The following GALNT3 variants were observed in gnomAD, a reference collection of about 807,000 sequenced individuals.
GALNT3 encodes GalNAc transferase 3.
GALNT3 carries 51 observed loss-of-function variants against 69.8 expected under a neutral mutation model. The observed-to-expected ratio is 0.73, with a 90% CI of 0.58 to 0.92. GALNT3 has a LOEUF of 0.92. Ranked by LOEUF, GALNT3 falls within the 40% of genes least tolerant of loss-of-function variation. The pLI is 0.00. For synonymous variants in GALNT3, 265 were observed against 248.5 expected, an observed-to-expected ratio of 1.07 and a Z score of -0.63; for missense variants, 711 against 760.0, an observed-to-expected ratio of 0.94 and a Z score of 0.76.
At chr2:165,756,022 C>T (rs1311193259) in intron 7 of GALNT3, among the ~76,000 whole-genome samples, 1 of 152,142 alleles carries the variant, frequency 6.6e-6, no homozygotes, top group African/African-American at 2.4e-5. Context: ...TACTATTGTA[C>T]AGTACACAAT....
At chr2:165,759,655 T>G (rs1688509098) in intron 4 of GALNT3, 85 bp from the exon 5 acceptor site, 1 of 963,994 alleles carries the variant, frequency 1.0e-6, no homozygotes, top group African/African-American at 1.6e-5. Context: ...TACAGAGAAA[T>G]GAGAATAACA....
intron 4 of GALNT3, 39 bp from the exon 5 acceptor site, chr2:165,759,609 T>A (rs370191364): frequency 6.8e-7 from 1 of 1,481,400 alleles, no homozygotes; most frequent in African/African-American, 1.4e-5. Flanking sequence ...AATAAAAACA[T>A]TGAAGTTTTT....
intron 1 of GALNT3, among the ~76,000 whole-genome samples, chr2:165,773,174 C>T (rs1688782579): frequency 6.6e-6 from 1 of 152,128 alleles, no homozygotes. Flanking sequence ...TTGTAATAAT[C>T]CCCATGTGTC....
chr2:165,759,449 A>G lies in GALNT3; in HGVS notation c.960T>C (p.Ser320=), dbSNP rs1336223163. The change falls in exon 5 of 11, where the codon TCT becomes TCC. Residue 320 remains serine, a synonymous_variant. Transcript: ENST00000392701. ...CACGGTTATGGTTACTTCCATAAGG[A>G]GAAGGTTTGTTGAATTCAAACGTGT... ...DLNTFEFNKP[S]PYGSNHNRGN... is the part of the protein sequence containing the mutation. 2 of 1,613,892 alleles carry G rather than the reference A, an allele frequency of 1.2e-6. No homozygotes were observed. Among genetic ancestry groups the G allele is most frequent in the East Asian group, 2.2e-5 (1 of 44,872 alleles).
chr2:165,770,448 G>T lies in GALNT3; in HGVS notation c.253C>A (p.Pro85Thr), dbSNP rs1205169689. 1 of 1,614,050 alleles carries T rather than the reference G, an allele frequency of 6.2e-7. No homozygotes were observed. Among genetic ancestry groups the T allele is most frequent in the Admixed American group, 1.7e-5 (1 of 60,012 alleles). ...DAMPKMQIGAPVRQNIDAGER... is the reference protein window; with the variant it reads ...DAMPKMQIGATVRQNIDAGER... ...CCAGCATCAATGTTTTGCCTGACAGGTGCTCCTATTTGCATTTTTGGCATG... is the reference window on the plus strand; with the variant it reads ...CCAGCATCAATGTTTTGCCTGACAGTTGCTCCTATTTGCATTTTTGGCATG... The change falls in exon 2 of 11, where the codon CCT becomes ACT. Residue 85 changes from proline to threonine, a missense_variant. Transcript: ENST00000392701.
At position 165,770,605 on chromosome 2, in the gene GALNT3, T is replaced by A. The variant is rs561974181; in HGVS notation, c.96A>T (p.Ile32=). ...KLGAVIFFFI[I]VLVLMQREVS... Reference sequence around the variant, plus strand: ...CTTCTCTTTGCATTAAAACCAAAACTATTATAAAGAAAAAAATTACTGCAC... The same window carrying A: ...CTTCTCTTTGCATTAAAACCAAAACAATTATAAAGAAAAAAATTACTGCAC... The change falls in exon 2 of 11, where the codon ATA becomes ATT. Residue 32 remains isoleucine, a synonymous_variant. Transcript: ENST00000392701. The A allele has an allele frequency of 6.2e-7, 1 of 1,603,822 alleles. No homozygotes were observed. The highest frequency in any genetic ancestry group is 8.5e-7 in the Non-Finnish European group (1 of 1,175,976).
rs372708744 is a variant in GALNT3, at chr2:165,760,496, A to G, written c.839-926T>C. Among the ~76,000 whole-genome samples, 33 of 152,350 alleles carry G rather than the reference A, an allele frequency of 2.2e-4. No homozygotes were observed. In the East Asian group the frequency reaches 6.2e-3, roughly 29 times the overall value. On this transcript the variant is annotated intron_variant, in intron 4 of 10. Transcript: ENST00000392701. The stretch of plus-strand genomic sequence containing the variant: ...GCAGTCATGGTCCGGGAGGACCGTC[A>G]GACATATCCACCCAGTGGGTAGTGG...
intron 2 of GALNT3, among the ~76,000 whole-genome samples, chr2:165,768,853 G>A (rs1209059984): frequency 2.0e-5 from 3 of 148,786 alleles, no homozygotes; most frequent in African/African-American, 5.0e-5. Flanking sequence ...GGAGTGCAAC[G>A]GCACAGATCT....
intron 3 of GALNT3, among the ~76,000 whole-genome samples, chr2:165,764,365 A>G (rs1048784084): frequency 1.3e-5 from 2 of 152,172 alleles, no homozygotes; most frequent in African/African-American, 4.8e-5. Context: ...TATTTCCTCA[A>G]TTTTAAGCTA....
chr2:165,766,454 A>T (rs10185645), intron 2 of GALNT3, among the ~76,000 whole-genome samples: 151,171 of 152,294 alleles, frequency 0.99, 75,033 homozygotes, highest in East Asian at 1. Context: ...GGGGTGCAGG[A>T]GAGTCTGCAT....
intron 9 of GALNT3, 89 bp downstream of exon 9, chr2:165,754,538 A>G (rs1432288455): frequency 1.1e-5 from 10 of 905,364 alleles, no homozygotes; most frequent in Admixed American, 1.9e-5. Context: ...CCAAGTATAA[A>G]GCTGCTGTGG....
chr2:165,769,056 A>T (rs375772151), intron 2 of GALNT3, among the ~76,000 whole-genome samples: 4 of 148,230 alleles, frequency 2.7e-5, no homozygotes, highest in Non-Finnish European at 6.0e-5. Context: ...CGGCCTCCCA[A>T]AGTGCTGGGA....
At chr2:165,766,098 T>A (rs966621711) in intron 2 of GALNT3, among the ~76,000 whole-genome samples, 1 of 152,196 alleles carries the variant, frequency 6.6e-6, no homozygotes, top group African/African-American at 2.4e-5. Flanking sequence ...CTTTTTATGA[T>A]GTTCATCATT....
intron 9 of GALNT3, among the ~76,000 whole-genome samples, chr2:165,750,544 C>A (rs115462598): frequency 1.6e-3 from 251 of 152,282 alleles, no homozygotes; most frequent in Middle Eastern, 6.8e-3. Context: ...CTTCCGTGTA[C>A]TCACTTCTGT....
rs115724435 is a variant in GALNT3 at position 165,773,803 on chromosome 2, A to C, written c.-108-2995T>G. ...TCCTATGAAGGAGGGGTGGTAAAAAAAAAAAAAAGACAAATGAAAACACAG... is the reference window on the plus strand; with the variant it reads ...TCCTATGAAGGAGGGGTGGTAAAAACAAAAAAAAGACAAATGAAAACACAG... On this transcript the variant is annotated intron_variant, in intron 1 of 10. Transcript: ENST00000392701. 4.8e-3 allele frequency among the ~76,000 whole-genome samples: 726 copies of C among 152,186 alleles called. 4 individuals carry two copies. Among genetic ancestry groups the C allele is most frequent in the Non-Finnish European group, 7.4e-3 (502 of 67,976 alleles).
At chr2:165,762,791 G>GT (rs1244239346) in intron 3 of GALNT3, among the ~76,000 whole-genome samples, 3 of 151,992 alleles carry the variant, frequency 2.0e-5, no homozygotes, top group Non-Finnish European at 2.9e-5. Flanking sequence ...ATCCAGTGTT[G>GT]TTTTTTTGTC....
intron 2 of GALNT3, among the ~76,000 whole-genome samples, chr2:165,767,059 ATTAT>A (rs1688655934): frequency 1.3e-5 from 2 of 152,186 alleles, no homozygotes; most frequent in South Asian, 2.1e-4. Context: ...ATAAAAACAA[ATTAT>A]TTATTCTAAA....
In GALNT3 at chr2:165,749,840, A is replaced by C; in HGVS notation, c.1681T>G (p.Cys561Gly). 1.2e-6 allele frequency: 2 copies of C among 1,613,744 alleles called. No individual in the cohort carries two copies. Among genetic ancestry groups the C allele is most frequent in the South Asian group, 2.2e-5 (2 of 91,082 alleles). Residue 561 changes from cysteine to glycine, a missense_variant, in exon 10 of 11, where the codon TGT becomes GGT. Transcript: ENST00000392701. ...ACGAGACCTTGAGCAGCATGAAGAC[A>C]TAATTCCTTCTGGATGTTGTGCCGA... ...EIRHNIQKEL[C>G]LHAAQGLVQL...
At chr2:165,754,392 CTTTTTTTTT>C (rs137893523) in intron 9 of GALNT3, among the ~76,000 whole-genome samples, 1 of 61,152 alleles carries the variant, frequency 1.6e-5, no homozygotes, top group African/African-American at 5.8e-5. Flanking sequence ...GCTCGGCCTC[CTTTTTTTTT>C]TTTTTTTTTT....
Sources: gnomAD v4.1 joint callset for allele counts (sites outside exome capture counted in the v4.1 genomes callset) on GRCh38, gnomAD v4.1.1 for gene constraint, MANE v1.5 for transcripts, NCBI Gene and HGNC (gene_info 2026-07-23, HGNC 2026-07-21) for gene names.